Variants in MEDAG observed in about 807,000 individuals in gnomAD.
The protein encoded by MEDAG is mesenteric estrogen-dependent adipogenesis protein.
In MEDAG, 25 loss-of-function variants were observed where a neutral mutation model predicts 29.9. The ratio of observed to expected loss-of-function variants is 0.84; its 90% CI spans 0.61 to 1.17. The LOEUF (loss-of-function observed/expected upper bound fraction) is 1.17. Among genes scored for constraint, MEDAG ranks in the 50% most tolerant of loss-of-function variants. The probability of loss-of-function intolerance (pLI) is 0.00; values close to 1 mark genes in which losing one functional copy is unlikely to be tolerated. For missense variants in MEDAG, 398 were observed against 372.9 expected (o/e 1.07, Z -0.56); for synonymous variants, 158 against 148.2 (o/e 1.07, Z -0.48).
chr13:30,915,307 A>G (rs902437440), intron 1 of MEDAG, among the ~76,000 whole-genome samples: 1 of 152,190 alleles, frequency 6.6e-6, no homozygotes, highest in African/African-American at 2.4e-5. Flanking sequence ...TGAAATATCT[A>G]TGATATTTGT....
intron 2 of MEDAG, among the ~76,000 whole-genome samples, chr13:30,918,585 T>G (rs1488716646): frequency 6.6e-6 from 1 of 152,220 alleles, no homozygotes; most frequent in Non-Finnish European, 1.5e-5. Context: ...CCATTTTGCC[T>G]TCCTCCTCCT....
chr13:30,920,705 A>C (rs1399937441), intron 2 of MEDAG, among the ~76,000 whole-genome samples: 2 of 152,160 alleles, frequency 1.3e-5, no homozygotes, highest in Non-Finnish European at 2.9e-5. Flanking sequence ...CACAGTTCTC[A>C]TCTGTGATAA....
Position 30,915,175 on chromosome 13 carries a change from A to C in MEDAG, c.279-2228A>C, listed in dbSNP as rs945271023. 1.1e-4 allele frequency among the ~76,000 whole-genome samples: 16 copies of C among 151,956 alleles called. 1 individual carries two copies. Among genetic ancestry groups the C allele is most frequent in the Non-Finnish European group, 4.4e-5 (3 of 68,002 alleles). On this transcript the variant is annotated intron_variant, in intron 1 of 4. Coordinates refer to ENST00000380482, the MANE Select transcript of MEDAG (RefSeq NM_032849.4). ...CCCTCTGTATCCTCACCCCCCACGT[A>C]ACAACATACTTCACCTTCTCTTCAC...
chr13:30,924,597 T>C lies in MEDAG; in HGVS notation c.*162T>C. 1.5e-6 allele frequency: 1 copy of C among 658,882 alleles called. No individual in the cohort carries two copies. Among genetic ancestry groups the C allele is most frequent in the Non-Finnish European group, 2.4e-6 (1 of 413,076 alleles). The allele number at this position is 658,882 out of a possible 1,614,324, so 40.8% of individuals were successfully genotyped here. A position where few individuals can be genotyped will look rare whatever the true frequency, so the allele number is the denominator to read the frequency against. On this transcript the variant is annotated 3_prime_UTR_variant, in exon 5 of 5. Coordinates refer to ENST00000380482, the MANE Select transcript of MEDAG (RefSeq NM_032849.4). The stretch of plus-strand genomic sequence containing the variant: ...GACTCCTCTCTTCTGCTTCTGTGGA[T>C]GTGATGCCCTGGCAGGCCCAGGGCA...
At chr13:30,910,153 C>A (rs1269281393) in intron 1 of MEDAG, among the ~76,000 whole-genome samples, 1 of 151,036 alleles carries the variant, frequency 6.6e-6, no homozygotes, top group African/African-American at 2.4e-5. Flanking sequence ...TCATTCAATA[C>A]TTAAAAGTCA....
At chr13:30,912,198 T>TGAG (rs1279825370) in intron 1 of MEDAG, among the ~76,000 whole-genome samples, 1 of 152,232 alleles carries the variant, frequency 6.6e-6, no homozygotes, top group African/African-American at 2.4e-5. Flanking sequence ...AATGTCTGTG[T>TGAG]GAGCCACACA....
chr13:30,924,579 C>G lies in MEDAG; in HGVS notation c.*144C>G, dbSNP rs1011499987. 7.7e-6 allele frequency: 6 copies of G among 781,778 alleles called. No individual in the cohort carries two copies. In the African/African-American group the frequency reaches 8.7e-5, roughly 11 times the overall value. 48.4% of individuals were successfully genotyped at this position (781,778 alleles called of 1,614,324 possible). A position where few individuals can be genotyped will look rare whatever the true frequency, so the allele number is the denominator to read the frequency against. On this transcript the variant is annotated 3_prime_UTR_variant, in exon 5 of 5. Transcript: ENST00000380482. ...TCCATGGCTTCTATGGAGGACTCCT[C>G]TCTTCTGCTTCTGTGGATGTGATGC...
chr13:30,909,834 C>T (rs183023877), intron 1 of MEDAG, among the ~76,000 whole-genome samples: 2 of 152,214 alleles, frequency 1.3e-5, no homozygotes, highest in East Asian at 1.9e-4. Context: ...GTTATTCACT[C>T]GCTAAGAGAG....
In MEDAG at chr13:30,906,698, G is replaced by A. The variant is rs1449735869; in HGVS notation, c.183G>A (p.Gly61=). The change falls in exon 1 of 5, where the codon GGG becomes GGA. Residue 61 remains glycine, a synonymous_variant. Transcript: ENST00000380482. ...SGDQLVVARP[G]EPAAARGGFN... The stretch of plus-strand genomic sequence containing the variant: ...ACCAGCTCGTGGTGGCCAGGCCCGG[G>A]GAGCCGGCGGCGGCGCGGGGGGGCT... 2.0e-6 allele frequency: 3 copies of A among 1,525,488 alleles called. No individual in the cohort carries two copies. The highest frequency in any genetic ancestry group is 1.2e-5 in the South Asian group (1 of 81,338). 94.5% of individuals were successfully genotyped at this position (1,525,488 alleles called of 1,614,324 possible).
chr13:30,912,559 G>C (rs1383005844), intron 1 of MEDAG, among the ~76,000 whole-genome samples: 2 of 151,898 alleles, frequency 1.3e-5, no homozygotes, highest in Non-Finnish European at 2.9e-5. Context: ...GGCCATGAAG[G>C]ATTTGAATTC....
chr13:30,924,473 G>A lies in MEDAG; in HGVS notation c.*38G>A, dbSNP rs898213586. ...TTGTAGCAGTTGCTCCCGCACTCCA[G>A]GCCTGTGCTAGACTATAGGCTGGGG... is the stretch of plus-strand genomic sequence containing the variant. On this transcript the variant is annotated 3_prime_UTR_variant, in exon 5 of 5. Transcript: ENST00000380482. 1.9e-6 allele frequency: 3 copies of A among 1,607,982 alleles called. No individual in the cohort carries two copies. In the African/African-American group the frequency reaches 4.0e-5, roughly 22 times the overall value.
intron 4 of MEDAG, among the ~76,000 whole-genome samples, chr13:30,923,741 G>A (rs1370288590): frequency 6.6e-6 from 1 of 152,162 alleles, no homozygotes; most frequent in Admixed American, 6.5e-5. Context: ...CCTCTGTCCT[G>A]TGGGCTGCCC....
Position 30,925,446 on chromosome 13 carries a change from A to C in MEDAG, c.*1011A>C, listed in dbSNP as rs1158152426. The C allele has an allele frequency of 6.6e-6, 1 of 152,180 alleles. No individual in the cohort carries two copies. Among genetic ancestry groups the C allele is most frequent in the African/African-American group, 2.4e-5 (1 of 41,442 alleles). The allele number at this position is 152,180 out of a possible 1,614,324, so 9.4% of individuals were successfully genotyped here. Reference sequence around the variant, plus strand: ...TCCTTTCTTAAAAAGTTTCTGTATTATGCATTTTGATAACACTACTGATGA... The same window carrying C: ...TCCTTTCTTAAAAAGTTTCTGTATTCTGCATTTTGATAACACTACTGATGA... On this transcript the variant is annotated 3_prime_UTR_variant, in exon 5 of 5. Coordinates refer to ENST00000380482, the MANE Select transcript of MEDAG (RefSeq NM_032849.4).
intron 1 of MEDAG, among the ~76,000 whole-genome samples, chr13:30,908,314 A>C (rs1952848928): frequency 6.6e-6 from 1 of 152,218 alleles, no homozygotes; most frequent in South Asian, 2.1e-4. Context: ...ACAAAACAAC[A>C]AATAATAGGC....
Position 30,924,597 on chromosome 13 carries a change from T to A in MEDAG, c.*162T>A. 1.5e-6 allele frequency: 1 copy of A among 658,880 alleles called. No individual in the cohort carries two copies. The highest frequency in any genetic ancestry group is 2.4e-6 in the Non-Finnish European group (1 of 413,074). 40.8% of individuals were successfully genotyped at this position (658,880 alleles called of 1,614,324 possible). ...GACTCCTCTCTTCTGCTTCTGTGGA[T>A]GTGATGCCCTGGCAGGCCCAGGGCA... On this transcript the variant is annotated 3_prime_UTR_variant, in exon 5 of 5. Coordinates refer to ENST00000380482, the MANE Select transcript of MEDAG (RefSeq NM_032849.4).
At chr13:30,924,192 G>T in intron 4 of MEDAG, 119 bp from the exon 5 acceptor site, 1 of 1,058,620 alleles carries the variant, frequency 9.4e-7, no homozygotes. Flanking sequence ...TTTTTCTGAG[G>T]AAGCCAGGAT....
chr13:30,907,926 C>A (rs1036420064), intron 1 of MEDAG, among the ~76,000 whole-genome samples: 1 of 152,188 alleles, frequency 6.6e-6, no homozygotes, highest in Non-Finnish European at 1.5e-5. Context: ...GAACCATTCC[C>A]CAGCAAGAAT....
At chr13:30,917,380 C>A in intron 1 of MEDAG, 23 bp from the exon 2 acceptor site, 2 of 1,334,474 alleles carry the variant, frequency 1.5e-6, no homozygotes, top group Non-Finnish European at 2.2e-6. Context: ...GTTACATTTG[C>A]AATGATCTCT....
rs556612321 is a variant in MEDAG at position 30,917,931 on chromosome 13, T to C, written c.388+419T>C. Among the ~76,000 whole-genome samples the C allele has an allele frequency of 5.3e-5, 8 of 152,248 alleles. No individual in the cohort carries two copies. In the East Asian group the frequency reaches 1.5e-3, roughly 29 times the overall value. On this transcript the variant is annotated intron_variant, in intron 2 of 4. Coordinates refer to ENST00000380482, the MANE Select transcript of MEDAG (RefSeq NM_032849.4). ...TATATAAATAGTTTTGGTTTGGTCC[T>C]TGCTGGGACCAAACTGGGCTGAGGT...
Sources: allele counts gnomAD v4.1 joint callset (sites outside exome capture counted in the v4.1 genomes callset), GRCh38; gene constraint gnomAD v4.1.1; transcripts MANE v1.5; gene names NCBI Gene and HGNC (gene_info 2026-07-23, HGNC 2026-07-21).